EPHB2: variants seen among roughly 807,000 people sequenced by gnomAD.
EPHB2 encodes the protein EPH receptor B2, also known as ephrin type-B receptor 2.
Under a neutral mutation model 96.4 loss-of-function variants are expected in EPHB2, and 18 were observed. That is an observed-to-expected ratio of 0.19 (90% CI 0.13 to 0.28). The LOEUF (loss-of-function observed/expected upper bound fraction) is 0.28. Among genes scored for constraint, EPHB2 ranks in the 10% least tolerant of loss-of-function variants. The probability of loss-of-function intolerance (pLI) is 1.00; values close to 1 mark genes in which losing one functional copy is unlikely to be tolerated. For synonymous variants in EPHB2, 506 were observed against 534.1 expected (o/e 0.95, Z 0.72); for missense variants, 989 against 1,355.4 (o/e 0.73, Z 4.25).
intron 1 of EPHB2, among the ~76,000 whole-genome samples, chr1:22,754,239 C>T (rs1570215482): frequency 6.6e-6 from 1 of 152,198 alleles, no homozygotes; most frequent in Non-Finnish European, 1.5e-5. Flanking sequence ...AGAAACCTCC[C>T]GTCTTGTGGT....
intron 3 of EPHB2, among the ~76,000 whole-genome samples, chr1:22,787,373 G>C (rs1292093575): frequency 6.6e-6 from 1 of 152,176 alleles, no homozygotes; most frequent in Non-Finnish European, 1.5e-5. Flanking sequence ...CATGGCTAAG[G>C]GCTGGAGGAG....
At chr1:22,722,490 A>C (rs765843713) in intron 1 of EPHB2, among the ~76,000 whole-genome samples, 1 of 152,218 alleles carries the variant, frequency 6.6e-6, no homozygotes, top group African/African-American at 2.4e-5. Flanking sequence ...GACTTACTCA[A>C]GGTTACATAG....
chr1:22,802,313 A>G (rs1035249750), intron 3 of EPHB2, among the ~76,000 whole-genome samples: 1 of 151,420 alleles, frequency 6.6e-6, no homozygotes, highest in African/African-American at 2.4e-5. Context: ...CACCAGAAGG[A>G]TTTCCACCTG....
intron 3 of EPHB2, among the ~76,000 whole-genome samples, chr1:22,794,811 G>GCTGC (rs1453632940): frequency 6.6e-6 from 1 of 152,114 alleles, no homozygotes; most frequent in Non-Finnish European, 1.5e-5. Flanking sequence ...AAACACATAG[G>GCTGC]CTGCCTCCAG....
intron 1 of EPHB2, among the ~76,000 whole-genome samples, chr1:22,714,764 C>T (rs528012307): frequency 3.3e-5 from 5 of 152,304 alleles, no homozygotes; most frequent in East Asian, 1.9e-4. Context: ...TGTCGGTTCC[C>T]GGCTAGACTG....
At chr1:22,754,500 G>A (rs1644112808) in intron 1 of EPHB2, among the ~76,000 whole-genome samples, 1 of 151,966 alleles carries the variant, frequency 6.6e-6, no homozygotes, top group Non-Finnish European at 1.5e-5. Context: ...CTGCAGAAGG[G>A]AGGACACCTG....
intron 1 of EPHB2, among the ~76,000 whole-genome samples, chr1:22,768,415 A>C (rs1035127832): frequency 2.6e-5 from 4 of 152,174 alleles, no homozygotes; most frequent in African/African-American, 4.8e-5. Flanking sequence ...GGCCAGGCAC[A>C]GTGGCTCACA....
intron 11 of EPHB2, among the ~76,000 whole-genome samples, chr1:22,907,569 A>G (rs1639958271): frequency 6.6e-6 from 1 of 152,236 alleles, no homozygotes; most frequent in African/African-American, 2.4e-5. Context: ...TGAAGCACCT[A>G]ACATGTGCCA....
At chr1:22,849,561 C>G (rs1173269196) in intron 3 of EPHB2, among the ~76,000 whole-genome samples, 1 of 152,190 alleles carries the variant, frequency 6.6e-6, no homozygotes, top group East Asian at 1.9e-4. Flanking sequence ...TGGGATCCAG[C>G]GGACCAGGGG....
Position 22,737,373 on chromosome 1 carries a change from C to A in EPHB2, c.61+26330C>A, listed in dbSNP as rs563330611. Among the ~76,000 whole-genome samples the A allele has an allele frequency of 6.6e-5, 10 of 152,296 alleles. No homozygotes were observed. The South Asian group carries it at 2.1e-3, about 32-fold the overall frequency. ...CAAACAGCTGCTCGTTGACCTGGCCCCTGAGGCCTTCTCTGCCTGTCCTTG... is the reference window on the plus strand; with the variant it reads ...CAAACAGCTGCTCGTTGACCTGGCCACTGAGGCCTTCTCTGCCTGTCCTTG... On this transcript the variant is annotated intron_variant, in intron 1 of 15. Coordinates refer to ENST00000374630, the MANE Select transcript of EPHB2 (RefSeq NM_017449.5).
At chr1:22,744,031 A>T (rs1643936014) in intron 1 of EPHB2, among the ~76,000 whole-genome samples, 1 of 152,196 alleles carries the variant, frequency 6.6e-6, no homozygotes, top group African/African-American at 2.4e-5. Flanking sequence ...AATGGAACTC[A>T]CCCAGTAGTA....
intron 14 of EPHB2, among the ~76,000 whole-genome samples, chr1:22,911,009 G>A (rs1254454150): frequency 6.6e-6 from 1 of 152,068 alleles, no homozygotes; most frequent in Non-Finnish European, 1.5e-5. Context: ...CCCTGGTGGT[G>A]TGCACCTGTA....
Position 22,917,463 on chromosome 1 carries a change from C to T in EPHB2, c.*3893C>T, listed in dbSNP as rs1300109777. On this transcript the variant is annotated 3_prime_UTR_variant, in exon 16 of 16. Coordinates refer to ENST00000374630, the MANE Select transcript of EPHB2 (RefSeq NM_017449.5). ...TAAATGCATTCAAAAGACAGGGTAC[C>T]ACATGATGCTAGGGAAAGTGCGTCA... is the stretch of plus-strand genomic sequence containing the variant. 6.6e-6 allele frequency: 1 copy of T among 152,216 alleles called. No individual in the cohort carries two copies. The highest frequency in any genetic ancestry group is 1.5e-5 in the Non-Finnish European group (1 of 68,052). The allele number at this position is 152,216 out of a possible 1,614,324, so 9.4% of individuals were successfully genotyped here.
At chr1:22,899,953 C>A (rs1404198518) in intron 9 of EPHB2, among the ~76,000 whole-genome samples, 1 of 152,122 alleles carries the variant, frequency 6.6e-6, no homozygotes, top group Non-Finnish European at 1.5e-5. Context: ...ATGGTCTCAC[C>A]ACTGCACTCC....
chr1:22,756,704 C>T (rs532322088), intron 1 of EPHB2, among the ~76,000 whole-genome samples: 50 of 152,230 alleles, frequency 3.3e-4, no homozygotes, highest in African/African-American at 1.1e-3. Flanking sequence ...CCCCATCTCA[C>T]TGGGCCAGCC....
chr1:22,869,229 A>T (rs1638580140), intron 5 of EPHB2, among the ~76,000 whole-genome samples: 1 of 152,038 alleles, frequency 6.6e-6, no homozygotes, highest in African/African-American at 2.4e-5. Context: ...AAGCCCAGAG[A>T]GGTAGAGTCA....
chr1:22,739,413 AC>A (rs1176615899), intron 1 of EPHB2, among the ~76,000 whole-genome samples: 17 of 152,122 alleles, frequency 1.1e-4, no homozygotes, highest in African/African-American at 4.1e-4. Flanking sequence ...ATGGGGGTTC[AC>A]CTTGTTGGCC....
intron 3 of EPHB2, among the ~76,000 whole-genome samples, chr1:22,789,072 C>T (rs1644654962): frequency 6.6e-6 from 1 of 152,252 alleles, no homozygotes; most frequent in South Asian, 2.1e-4. Flanking sequence ...CATTTTTAAA[C>T]AAGCAGTCCT....
chr1:22,811,238 T>C (rs187813508), intron 3 of EPHB2, among the ~76,000 whole-genome samples: 61 of 152,302 alleles, frequency 4.0e-4, no homozygotes, highest in Middle Eastern at 3.4e-3. Flanking sequence ...TGGGTACCAC[T>C]GGCGTAGGAG....
Sources: allele counts gnomAD v4.1 joint callset (sites outside exome capture counted in the v4.1 genomes callset), GRCh38; gene constraint gnomAD v4.1.1; transcripts MANE v1.5; gene names NCBI Gene and HGNC (gene_info 2026-07-23, HGNC 2026-07-21).